CHM: variants seen among roughly 807,000 people sequenced by gnomAD.
CHM encodes CHM Rab escort protein.
CHM carries 10 observed loss-of-function variants against 49.0 expected under a neutral mutation model. The observed-to-expected ratio is 0.20, with a 90% CI of 0.13 to 0.35. The LOEUF (loss-of-function observed/expected upper bound fraction) is 0.35, where lower values mean the gene tolerates loss of function less well. CHM is among the 10% of genes least tolerant of loss of function. The pLI, the probability that CHM is intolerant of heterozygous loss-of-function variation, is 1.00. For missense variants in CHM, 455 were observed against 478.4 expected, an observed-to-expected ratio of 0.95 and a Z score of 0.46; for synonymous variants, 184 against 167.5, an observed-to-expected ratio of 1.10 and a Z score of -0.76.
At position 85,863,408 on chromosome X, in the gene CHM, T is replaced by A. The variant is rs1049380742; in HGVS notation, c.*1222A>T. ...TTTTTATGTAGTGTATATTAGGGCTTACCAACTGTCATACACAATTTGGAG... is the reference window on the plus strand; with the variant it reads ...TTTTTATGTAGTGTATATTAGGGCTAACCAACTGTCATACACAATTTGGAG... On this transcript the variant is annotated 3_prime_UTR_variant, in exon 15 of 15. Coordinates refer to ENST00000357749, the MANE Select transcript of CHM (RefSeq NM_000390.4). The A allele has an allele frequency of 1.3e-4, 14 of 111,664 alleles. No homozygotes were observed. Among genetic ancestry groups the A allele is most frequent in the African/African-American group, 4.6e-4 (14 of 30,704 alleles). 9.2% of individuals were successfully genotyped at this position (111,664 alleles called of 1,213,427 possible). A position where few individuals can be genotyped will look rare whatever the true frequency, so the allele number is the denominator to read the frequency against.
At chrX:85,900,419 A>C (rs778652814) in intron 11 of CHM, among the ~76,000 whole-genome samples, 1 of 111,495 alleles carries the variant, frequency 9.0e-6, no homozygotes, top group Non-Finnish European at 1.9e-5. Flanking sequence ...AAAAAGAATA[A>C]GTTTTAGAGA....
chrX:85,900,352 C>T (rs1042208983), intron 11 of CHM, among the ~76,000 whole-genome samples: 3 of 111,133 alleles, frequency 2.7e-5, no homozygotes, highest in African/African-American at 9.8e-5. Flanking sequence ...CGGTGCTTGC[C>T]AGGAGCTAGG....
chrX:85,966,953 G>A (rs1226471879), intron 4 of CHM, among the ~76,000 whole-genome samples: 1 of 111,610 alleles, frequency 9.0e-6, no homozygotes, highest in Admixed American at 9.5e-5. Context: ...AGGTATAAGC[G>A]AAGAGAAGAA....
At chrX:85,889,897 C>T (rs1383876261) in intron 12 of CHM, among the ~76,000 whole-genome samples, 2 of 111,738 alleles carry the variant, frequency 1.8e-5, no homozygotes, top group African/African-American at 3.3e-5. Flanking sequence ...ATGTCATTTG[C>T]AGCAACATGG....
intron 9 of CHM, among the ~76,000 whole-genome samples, chrX:85,909,098 G>A (rs1213538655): frequency 9.0e-6 from 1 of 111,430 alleles, no homozygotes; most frequent in East Asian, 2.8e-4. Flanking sequence ...TTTGCCCACT[G>A]TCATTCATGG....
At chrX:85,879,883 C>G (rs1447568092) in intron 12 of CHM, among the ~76,000 whole-genome samples, 2 of 109,477 alleles carry the variant, frequency 1.8e-5, no homozygotes, top group Non-Finnish European at 3.8e-5. Context: ...TTCCTCCCCC[C>G]ACTATATTAG....
At chrX:85,976,957 G>T (rs965957328) in intron 4 of CHM, among the ~76,000 whole-genome samples, 1 of 109,799 alleles carries the variant, frequency 9.1e-6, no homozygotes, top group South Asian at 3.9e-4. Flanking sequence ...AAATAAATAA[G>T]GCTTTTAAGT....
intron 2 of CHM, among the ~76,000 whole-genome samples, chrX:86,020,439 T>C (rs1009739009): frequency 1.7e-4 from 19 of 108,767 alleles, no homozygotes; most frequent in African/African-American, 6.0e-4. Context: ...AAATGCTCCT[T>C]GGAGCATTTC....
At chrX:86,010,744 G>A (rs1933038175) in intron 2 of CHM, among the ~76,000 whole-genome samples, 1 of 111,468 alleles carries the variant, frequency 9.0e-6, no homozygotes, top group African/African-American at 3.3e-5. Flanking sequence ...AAAATATAAG[G>A]TGATGATGTA....
chrX:85,926,444 T>A (rs2148188844), intron 8 of CHM, among the ~76,000 whole-genome samples: 1 of 111,324 alleles, frequency 9.0e-6, no homozygotes, highest in South Asian at 3.8e-4. Context: ...AAAACCATGT[T>A]CTTCCCTCCT....
chrX:85,917,173 G>A (rs761682075), intron 8 of CHM, among the ~76,000 whole-genome samples: 2 of 111,602 alleles, frequency 1.8e-5, no homozygotes, highest in South Asian at 3.8e-4. Flanking sequence ...GGCCATTATC[G>A]TTAGCAAACT....
In CHM at chrX:85,957,734, A is replaced by G. The variant is rs191635804; in HGVS notation, c.940+121T>C. 8,117 of 840,117 alleles carry G rather than the reference A, an allele frequency of 9.7e-3. 430 individuals carry two copies. In the African/African-American group the frequency reaches 0.15, roughly 16 times the overall value. 69.2% of individuals were successfully genotyped at this position (840,117 alleles called of 1,213,427 possible). ...AATGTTACTAATGGCTAACCTATTG[A>G]TAGTGCAGAGTTAGAATGCATTTTA... On this transcript the variant is annotated intron_variant, in intron 7 of 14. Transcript: ENST00000357749.
chrX:86,015,437 G>C (rs1418016137), intron 2 of CHM, among the ~76,000 whole-genome samples: 1 of 111,563 alleles, frequency 9.0e-6, no homozygotes. Context: ...CGTGAAAACA[G>C]ACCGATACAG....
At chrX:85,931,074 TA>T (rs1289239822) in intron 8 of CHM, among the ~76,000 whole-genome samples, 2 of 110,797 alleles carry the variant, frequency 1.8e-5, no homozygotes, top group African/African-American at 6.5e-5. Flanking sequence ...ATGGTCAAAG[TA>T]AAGACAAGCC....
At chrX:85,974,280 G>A (rs906523876) in intron 4 of CHM, among the ~76,000 whole-genome samples, 1 of 111,750 alleles carries the variant, frequency 8.9e-6, no homozygotes, top group Non-Finnish European at 1.9e-5. Context: ...GACATACCAT[G>A]TTCATAGATT....
At chrX:85,869,232 C>A (rs1287800337) in intron 14 of CHM, among the ~76,000 whole-genome samples, 2 of 111,801 alleles carry the variant, frequency 1.8e-5, no homozygotes, top group Non-Finnish European at 3.8e-5. Context: ...TCCAGGATGA[C>A]AAATACTTTT....
chrX:85,913,332 A>AAAAAAAAAAGAAAGAAAGAAAG (rs762266365), intron 8 of CHM, among the ~76,000 whole-genome samples: 1 of 23,417 alleles, frequency 4.3e-5, no homozygotes, highest in African/African-American at 1.4e-4. Context: ...AAAAAAAAAA[A>AAAAAAAAAAGAAAGAAAGAAAG]AAAGAAAGAA....
At chrX:86,021,126 G>GTATATATATATATATA (rs3078128) in intron 2 of CHM, among the ~76,000 whole-genome samples, 31 of 55,936 alleles carry the variant, frequency 5.5e-4, no homozygotes, top group Non-Finnish European at 6.5e-4. Flanking sequence ...GTGTATATAC[G>GTATATATATATATATA]TATATATATA....
chrX:86,006,380 C>G (rs1303262953), intron 2 of CHM, among the ~76,000 whole-genome samples: 1 of 111,820 alleles, frequency 8.9e-6, no homozygotes, highest in Non-Finnish European at 1.9e-5. Context: ...TCTCACCATG[C>G]CTATTCAACA....
Sources: gnomAD v4.1 joint callset for allele counts (sites outside exome capture counted in the v4.1 genomes callset) on GRCh38, gnomAD v4.1.1 for gene constraint, MANE v1.5 for transcripts, NCBI Gene and HGNC (gene_info 2026-07-23, HGNC 2026-07-21) for gene names.